The following IMMP2L variants were observed in gnomAD, a reference collection of about 807,000 sequenced individuals.
The protein encoded by IMMP2L is mitochondrial inner membrane protease subunit 2.
IMMP2L carries 18 observed loss-of-function variants against 19.3 expected under a neutral mutation model. That is an observed-to-expected ratio of 0.93 (90% CI 0.64 to 1.38). The LOEUF is 1.38. Among genes scored for constraint, IMMP2L ranks in the 40% most tolerant of loss-of-function variants. The probability of loss-of-function intolerance (pLI) is 0.00; values close to 1 mark genes in which losing one functional copy is unlikely to be tolerated. For missense variants in IMMP2L, 233 were observed against 218.2 expected, an observed-to-expected ratio of 1.07 and a Z score of -0.43; for synonymous variants, 76 against 73.0, an observed-to-expected ratio of 1.04 and a Z score of -0.21.
intron 2 of IMMP2L, among the ~76,000 whole-genome samples, chr7:111,513,308 T>C (rs986798401): frequency 1.3e-5 from 2 of 152,124 alleles, no homozygotes; most frequent in East Asian, 1.9e-4. Flanking sequence ...AAGACCTGTA[T>C]AGAGAATTCT....
intron 3 of IMMP2L, among the ~76,000 whole-genome samples, chr7:110,967,653 A>C (rs1819689478): frequency 6.6e-6 from 1 of 152,054 alleles, no homozygotes; most frequent in South Asian, 2.1e-4. Context: ...AGAGGCCTAA[A>C]TCTAATGCTT....
chr7:111,461,966 T>C (rs1207308278), intron 3 of IMMP2L, among the ~76,000 whole-genome samples: 2 of 151,964 alleles, frequency 1.3e-5, no homozygotes, highest in African/African-American at 4.8e-5. Flanking sequence ...AATTCCATTT[T>C]ATATAGATCA....
intron 5 of IMMP2L, among the ~76,000 whole-genome samples, chr7:110,809,658 T>C (rs915306267): frequency 4.6e-5 from 7 of 152,024 alleles, no homozygotes; most frequent in African/African-American, 1.7e-4. Context: ...TTTCTTTATG[T>C]TTTCTCAAAT....
At chr7:110,858,907 T>C (rs1039804870) in intron 5 of IMMP2L, among the ~76,000 whole-genome samples, 16 of 152,216 alleles carry the variant, frequency 1.1e-4, no homozygotes, top group African/African-American at 3.6e-4. Flanking sequence ...TCCAATTTCA[T>C]CCATGTCCCT....
At chr7:111,437,623 C>A (rs1188110434) in intron 3 of IMMP2L, among the ~76,000 whole-genome samples, 15 of 151,706 alleles carry the variant, frequency 9.9e-5, no homozygotes, top group African/African-American at 3.4e-4. Flanking sequence ...TTTAAATTAC[C>A]AGTTCTTTTC....
intron 3 of IMMP2L, among the ~76,000 whole-genome samples, chr7:111,318,235 G>C (rs1275852661): frequency 6.6e-6 from 1 of 152,128 alleles, no homozygotes; most frequent in Admixed American, 6.6e-5. Context: ...AAGGGTGATT[G>C]ATTCTCTCCT....
chr7:110,848,660 G>T (rs182317338), intron 5 of IMMP2L, among the ~76,000 whole-genome samples: 2 of 152,246 alleles, frequency 1.3e-5, no homozygotes, highest in East Asian at 3.9e-4. Flanking sequence ...CAATCAACAT[G>T]TCTTTCAGCA....
At chr7:111,543,425 T>C (rs990228052) in intron 1 of IMMP2L, among the ~76,000 whole-genome samples, 2 of 152,092 alleles carry the variant, frequency 1.3e-5, no homozygotes, top group African/African-American at 4.8e-5. Flanking sequence ...TTAGTTTGCT[T>C]GAGAACAAAA....
intron 3 of IMMP2L, among the ~76,000 whole-genome samples, chr7:110,969,657 T>C (rs755715031): frequency 1.5e-4 from 23 of 152,072 alleles, no homozygotes; most frequent in Admixed American, 3.3e-4. Context: ...GATTTTTAAG[T>C]GTATAGAAAA....
In IMMP2L at chr7:111,551,497, T is replaced by A. The variant is rs1405076509; in HGVS notation, c.-3+10354A>T. On this transcript the variant is annotated intron_variant, in intron 1 of 5. Coordinates refer to ENST00000405709, the MANE Select transcript of IMMP2L (RefSeq NM_032549.4). ...GTATGTTAGGTATGACTGTTAGAGG[T>A]GTGTGTGTGTGTGTGTGTGTGTGTG... 8.2e-5 allele frequency among the ~76,000 whole-genome samples: 3 copies of A among 36,680 alleles called. No homozygotes were observed. In the East Asian group the frequency reaches 1.5e-3, roughly 19 times the overall value. The allele number at this position is 36,680 out of a possible 152,430, so 24.1% of individuals were successfully genotyped here.
chr7:110,730,665 C>G (rs1172026737), intron 5 of IMMP2L, among the ~76,000 whole-genome samples: 2 of 152,100 alleles, frequency 1.3e-5, no homozygotes, highest in East Asian at 1.9e-4. Context: ...GCTGGGATTA[C>G]AGGCGCCAGC....
intron 3 of IMMP2L, among the ~76,000 whole-genome samples, chr7:111,469,941 T>C (rs1359503603): frequency 5.3e-5 from 8 of 152,112 alleles, no homozygotes; most frequent in Non-Finnish European, 7.4e-5. Flanking sequence ...ACAGGCAACC[T>C]ACAAAATGGG....
chr7:110,901,710 A>T lies in IMMP2L; in HGVS notation c.306-15015T>A, dbSNP rs112231962. 9.5e-3 allele frequency among the ~76,000 whole-genome samples: 1,442 copies of T among 152,302 alleles called. 23 individuals are homozygous for T. Among genetic ancestry groups the T allele is most frequent in the African/African-American group, 0.033 (1,354 of 41,572 alleles). On this transcript the variant is annotated intron_variant, in intron 4 of 5. Coordinates refer to ENST00000405709, the MANE Select transcript of IMMP2L (RefSeq NM_032549.4). The stretch of plus-strand genomic sequence containing the variant: ...ATATTGCATATAAGTAATATTATTT[A>T]AGAAGGCTATTTGTTGCTATCCTGA...
At chr7:111,201,182 C>T (rs1810063678) in intron 3 of IMMP2L, among the ~76,000 whole-genome samples, 1 of 151,026 alleles carries the variant, frequency 6.6e-6, no homozygotes, top group Non-Finnish European at 1.5e-5. Context: ...TAAACACAAA[C>T]AATTCATTAA....
chr7:110,975,438 A>G (rs970593467), intron 3 of IMMP2L, among the ~76,000 whole-genome samples: 2 of 152,238 alleles, frequency 1.3e-5, no homozygotes, highest in African/African-American at 2.4e-5. Context: ...AAGAGACTCA[A>G]TTAATTATTT....
At chr7:110,734,767 A>C (rs1303561028) in intron 5 of IMMP2L, among the ~76,000 whole-genome samples, 2 of 152,216 alleles carry the variant, frequency 1.3e-5, no homozygotes, top group Non-Finnish European at 2.9e-5. Context: ...TAAAAAATCA[A>C]GTTGCTGGCA....
At chr7:111,366,050 G>A (rs924901325) in intron 3 of IMMP2L, among the ~76,000 whole-genome samples, 2 of 152,030 alleles carry the variant, frequency 1.3e-5, no homozygotes, top group Non-Finnish European at 2.9e-5. Context: ...AATAAAGCCT[G>A]GTCCAGGCAA....
At position 111,336,050 on chromosome 7, in the gene IMMP2L, A is replaced by C. The variant is rs143812018; in HGVS notation, c.239+151188T>G. 2.4e-3 allele frequency among the ~76,000 whole-genome samples: 361 copies of C among 151,886 alleles called. 2 individuals are homozygous for C. Among genetic ancestry groups the C allele is most frequent in the South Asian group, 0.023 (111 of 4,804 alleles). ...TTTCAAGTATACTTAATTTCATCTT[A>C]AGTTTTTGTTGTTGTTTGAGAAGGG... is the stretch of plus-strand genomic sequence containing the variant. On this transcript the variant is annotated intron_variant, in intron 3 of 5. Coordinates refer to ENST00000405709, the MANE Select transcript of IMMP2L (RefSeq NM_032549.4).
At chr7:110,968,607 A>T (rs1367650240) in intron 3 of IMMP2L, among the ~76,000 whole-genome samples, 1 of 152,164 alleles carries the variant, frequency 6.6e-6, no homozygotes, top group Non-Finnish European at 1.5e-5. Flanking sequence ...AAGGAAGTAG[A>T]GGCTGCAGTG....
Sources: gnomAD v4.1 joint callset for allele counts (sites outside exome capture counted in the v4.1 genomes callset) on GRCh38, gnomAD v4.1.1 for gene constraint, MANE v1.5 for transcripts, NCBI Gene and HGNC (gene_info 2026-07-23, HGNC 2026-07-21) for gene names.